GRM7: variants seen among roughly 807,000 people sequenced by gnomAD.
The protein encoded by GRM7 is glutamate metabotropic receptor 7, also known as metabotropic glutamate receptor 7.
In GRM7, 35 loss-of-function variants were observed where a neutral mutation model predicts 84.5. The observed-to-expected ratio is 0.41, with a 90% CI of 0.32 to 0.55. GRM7 has a LOEUF of 0.55. Ranked by LOEUF, GRM7 falls within the 20% of genes least tolerant of loss-of-function variation. The probability of loss-of-function intolerance (pLI) is 0.19; values close to 1 mark genes in which losing one functional copy is unlikely to be tolerated. For synonymous variants in GRM7, 487 were observed against 455.1 expected (o/e 1.07, Z -0.89); for missense variants, 1,003 against 1,194.6 (o/e 0.84, Z 2.36).
At chr3:7,568,338 T>C (rs1168799426) in intron 7 of GRM7, among the ~76,000 whole-genome samples, 1 of 152,222 alleles carries the variant, frequency 6.6e-6, no homozygotes, top group African/African-American at 2.4e-5. Context: ...CTTTATTGGA[T>C]TTACACTTCC....
intron 2 of GRM7, among the ~76,000 whole-genome samples, chr3:7,200,828 C>T (rs1489809992): frequency 1.3e-5 from 2 of 152,142 alleles, no homozygotes; most frequent in Admixed American, 6.6e-5. Flanking sequence ...AAACCTGTCA[C>T]TCCTCCTCAC....
rs544504842 is a variant in GRM7 at position 7,463,086 on chromosome 3, T to C, written c.1515+1364T>C. On this transcript the variant is annotated intron_variant, in intron 7 of 9. Transcript: ENST00000357716. Reference sequence around the variant, plus strand: ...AGTGTGTTTTTACTGGGTGCTGCCATGTGATATGAAGATGGGTCAGCCTCA... The same window carrying C: ...AGTGTGTTTTTACTGGGTGCTGCCACGTGATATGAAGATGGGTCAGCCTCA... 6.0e-4 allele frequency among the ~76,000 whole-genome samples: 90 copies of C among 150,320 alleles called. 2 individuals are homozygous for C. The highest frequency in any genetic ancestry group is 4.5e-3 in the South Asian group (21 of 4,634).
At chr3:7,533,354 A>T (rs1213195578) in intron 7 of GRM7, among the ~76,000 whole-genome samples, 1 of 152,182 alleles carries the variant, frequency 6.6e-6, no homozygotes, top group African/African-American at 2.4e-5. Context: ...ACTCAAAACC[A>T]CACAAATACA....
intron 8 of GRM7, among the ~76,000 whole-genome samples, chr3:7,626,913 C>G (rs1340783958): frequency 7.1e-6 from 1 of 140,662 alleles, no homozygotes; most frequent in African/African-American, 2.6e-5. Context: ...CAAAAGCCTA[C>G]ATGAGCACCT....
chr3:7,122,378 A>C (rs1693255405), intron 1 of GRM7, among the ~76,000 whole-genome samples: 1 of 152,222 alleles, frequency 6.6e-6, no homozygotes, highest in Admixed American at 6.5e-5. Context: ...ATGATTGAAA[A>C]TGTAATGAGA....
intron 8 of GRM7, among the ~76,000 whole-genome samples, chr3:7,644,199 T>C (rs1433586177): frequency 1.3e-5 from 2 of 150,952 alleles, no homozygotes; most frequent in Admixed American, 6.6e-5. Flanking sequence ...TGTACGTATA[T>C]ATATATGTCT....
intron 1 of GRM7, among the ~76,000 whole-genome samples, chr3:7,035,749 T>C (rs1696364401): frequency 6.6e-6 from 1 of 152,060 alleles, no homozygotes; most frequent in South Asian, 2.1e-4. Context: ...AAATGTGGCT[T>C]ATATGAGAAT....
chr3:7,286,302 C>T (rs1373035284), intron 2 of GRM7, among the ~76,000 whole-genome samples: 2 of 152,248 alleles, frequency 1.3e-5, no homozygotes, highest in East Asian at 1.9e-4. Flanking sequence ...TGGTATTTGT[C>T]GGGCCAGTTG....
chr3:6,963,749 T>C (rs1693393021), intron 1 of GRM7, among the ~76,000 whole-genome samples: 1 of 152,226 alleles, frequency 6.6e-6, no homozygotes, highest in South Asian at 2.1e-4. Context: ...TCCTTTCTTA[T>C]GTAAAATAGT....
intron 4 of GRM7, among the ~76,000 whole-genome samples, chr3:7,367,497 C>T (rs897218576): frequency 6.6e-6 from 1 of 151,752 alleles, no homozygotes; most frequent in African/African-American, 2.4e-5. Context: ...CTAGAAAGGA[C>T]ATGTTTGGAT....
At chr3:7,472,551 A>G (rs1356844599) in intron 7 of GRM7, among the ~76,000 whole-genome samples, 1 of 152,162 alleles carries the variant, frequency 6.6e-6, no homozygotes, top group East Asian at 1.9e-4. Flanking sequence ...ATCATAGGAG[A>G]GTTAGATGAG....
At chr3:7,102,367 A>G (rs1699140647) in intron 1 of GRM7, among the ~76,000 whole-genome samples, 1 of 151,788 alleles carries the variant, frequency 6.6e-6, no homozygotes, top group African/African-American at 2.4e-5. Flanking sequence ...GCTGGCTGCC[A>G]TCGCTTCTGA....
At position 7,145,783 on chromosome 3, in the gene GRM7, A is replaced by T. The variant is rs540435124; in HGVS notation, c.520-669A>T. ...CCCTTGTGGCCTCCACTCAGACAGTACTGCCAGCTCTCTCCCAGAATCCAA... is the reference window on the plus strand; with the variant it reads ...CCCTTGTGGCCTCCACTCAGACAGTTCTGCCAGCTCTCTCCCAGAATCCAA... On this transcript the variant is annotated intron_variant, in intron 1 of 9. Transcript: ENST00000357716. Among the ~76,000 whole-genome samples the T allele has an allele frequency of 3.3e-5, 5 of 152,286 alleles. No individual in the cohort carries two copies. In the South Asian group the frequency reaches 1.0e-3, roughly 32 times the overall value.
chr3:7,355,029 T>C (rs1301015444), intron 4 of GRM7, among the ~76,000 whole-genome samples: 1 of 152,118 alleles, frequency 6.6e-6, no homozygotes, highest in Non-Finnish European at 1.5e-5. Flanking sequence ...CTGGACCTAG[T>C]GAGTAAGAAG....
intron 5 of GRM7, among the ~76,000 whole-genome samples, chr3:7,437,559 T>A (rs551540453): frequency 3.9e-5 from 6 of 152,260 alleles, no homozygotes; most frequent in African/African-American, 1.4e-4. Flanking sequence ...TATAAATTTA[T>A]GGTCTTCTTC....
intron 9 of GRM7, among the ~76,000 whole-genome samples, chr3:7,740,050 C>A (rs983208061): frequency 6.6e-6 from 1 of 152,078 alleles, no homozygotes; most frequent in Non-Finnish European, 1.5e-5. Flanking sequence ...GTGAGTGAAC[C>A]CTTTAAGTTA....
chr3:7,119,744 A>G (rs1266918866), intron 1 of GRM7, among the ~76,000 whole-genome samples: 2 of 152,126 alleles, frequency 1.3e-5, no homozygotes, highest in Non-Finnish European at 1.5e-5. Context: ...GAAATTAGGC[A>G]TCTATACACA....
At chr3:6,878,076 G>A (rs1695381254) in intron 1 of GRM7, among the ~76,000 whole-genome samples, 2 of 151,708 alleles carry the variant, frequency 1.3e-5, no homozygotes, top group Admixed American at 6.6e-5. Context: ...TGTCCCAAAT[G>A]TCTTAGTCCA....
intron 2 of GRM7, among the ~76,000 whole-genome samples, chr3:7,282,019 G>T (rs1364351992): frequency 1.3e-5 from 2 of 152,140 alleles, no homozygotes; most frequent in Non-Finnish European, 2.9e-5. Flanking sequence ...AGAGACGGAG[G>T]TTGCAGTGAG....
Sources: allele counts gnomAD v4.1 joint callset (sites outside exome capture counted in the v4.1 genomes callset), GRCh38; gene constraint gnomAD v4.1.1; transcripts MANE v1.5; gene names NCBI Gene and HGNC (gene_info 2026-07-23, HGNC 2026-07-21).